Variants in ADAMTSL3 observed in about 807,000 individuals in gnomAD.
The protein encoded by ADAMTSL3 is ADAMTS like 3, also known as ADAMTS-like protein 3.
In ADAMTSL3, 128 loss-of-function variants were observed where a neutral mutation model predicts 201.7. That is an observed-to-expected ratio of 0.63 (90% confidence interval 0.55 to 0.73). The LOEUF is 0.73. Among genes scored for constraint, ADAMTSL3 ranks in the 30% least tolerant of loss-of-function variants. ADAMTSL3 has a pLI of 0.00. For synonymous variants in ADAMTSL3, 738 were observed against 748.4 expected (o/e 0.99, Z 0.23); for missense variants, 1,990 against 2,119.6 (o/e 0.94, Z 1.20).
intron 3 of ADAMTSL3, among the ~76,000 whole-genome samples, chr15:83,753,871 T>C (rs2062677005): frequency 6.6e-6 from 1 of 152,230 alleles, no homozygotes; most frequent in Admixed American, 6.5e-5. Context: ...TTTGCTCTAA[T>C]GTGATAAACG....
intron 19 of ADAMTSL3, among the ~76,000 whole-genome samples, chr15:83,956,679 GCACACACA>G (rs34711242): frequency 6.7e-6 from 1 of 148,772 alleles, no homozygotes; most frequent in African/African-American, 2.5e-5. Context: ...CACCGCACAG[GCACACACA>G]CACACACACA....
intron 19 of ADAMTSL3, among the ~76,000 whole-genome samples, chr15:83,960,170 A>C (rs1454191607): frequency 6.6e-6 from 1 of 152,222 alleles, no homozygotes; most frequent in Non-Finnish European, 1.5e-5. Flanking sequence ...AATAATAATT[A>C]GGGCTTTCTG....
At chr15:83,850,896 G>A (rs2064598269) in intron 7 of ADAMTSL3, among the ~76,000 whole-genome samples, 1 of 152,138 alleles carries the variant, frequency 6.6e-6, no homozygotes, top group Non-Finnish European at 1.5e-5. Flanking sequence ...TGTGACTGTG[G>A]ACCAGTCCTC....
At chr15:83,961,443 T>G (rs2066967165) in intron 19 of ADAMTSL3, 1 of 152,144 alleles carries the variant, frequency 6.6e-6, no homozygotes, top group Non-Finnish European at 1.5e-5. Context: ...AATAAAAGCT[T>G]TTATCTGCAA....
chr15:83,983,610 C>A (rs2067428244), intron 21 of ADAMTSL3, among the ~76,000 whole-genome samples: 1 of 152,300 alleles, frequency 6.6e-6, no homozygotes, highest in Non-Finnish European at 1.5e-5. Flanking sequence ...ATACACTCCC[C>A]CTTTACTCAG....
intron 4 of ADAMTSL3, among the ~76,000 whole-genome samples, chr15:83,776,565 A>G (rs2063077830): frequency 6.6e-6 from 1 of 152,150 alleles, no homozygotes; most frequent in African/African-American, 2.4e-5. Context: ...TAAAAATACA[A>G]AATTAGCTGG....
At chr15:83,903,917 C>CAAAAAAAAAAAAAAAAAAAAAAA (rs1168502648) in intron 15 of ADAMTSL3, among the ~76,000 whole-genome samples, 18 of 19,270 alleles carry the variant, frequency 9.3e-4, no homozygotes, top group South Asian at 2.8e-3. Context: ...GACTCCACAT[C>CAAAAAAAAAAAAAAAAAAAAAAA]AAAAAAAAAA....
intron 7 of ADAMTSL3, among the ~76,000 whole-genome samples, chr15:83,845,938 C>T (rs916628658): frequency 6.6e-6 from 1 of 152,166 alleles, no homozygotes; most frequent in African/African-American, 2.4e-5. Flanking sequence ...CCTCATGCAC[C>T]TGGCCCAGTA....
intron 27 of ADAMTSL3, among the ~76,000 whole-genome samples, chr15:84,026,580 G>C (rs2068312034): frequency 6.6e-6 from 1 of 152,140 alleles, no homozygotes; most frequent in Admixed American, 6.5e-5. Flanking sequence ...AGATAGTATG[G>C]TACTGACATA....
intron 17 of ADAMTSL3, among the ~76,000 whole-genome samples, chr15:83,938,753 A>G (rs928058821): frequency 2.0e-5 from 3 of 152,060 alleles, no homozygotes; most frequent in Non-Finnish European, 1.5e-5. Flanking sequence ...TCTGTTTCAT[A>G]ACTTTCTTAG....
chr15:83,822,233 C>T (rs1263979460), intron 6 of ADAMTSL3, among the ~76,000 whole-genome samples: 11 of 145,700 alleles, frequency 7.5e-5, no homozygotes, highest in Admixed American at 7.5e-4. Context: ...TCCTCACTTC[C>T]CAGACGGGGT....
At position 83,875,048 on chromosome 15, in the gene ADAMTSL3, C is replaced by G. The variant is rs1437162801; in HGVS notation, c.960+4089C>G. Among the ~76,000 whole-genome samples, 3 of 109,756 alleles carry G rather than the reference C, an allele frequency of 2.7e-5. 1 individual carries two copies. Among genetic ancestry groups the G allele is most frequent in the African/African-American group, 1.2e-4 (3 of 25,146 alleles). 72.0% of individuals were successfully genotyped at this position (109,756 alleles called of 152,430 possible). A position where few individuals can be genotyped will look rare whatever the true frequency, so the allele number is the denominator to read the frequency against. ...CATCCACCACTGTGTTCATCTGGGT[C>G]CTCTAAGAATCAAATGCCAAGGCAG... is the stretch of plus-strand genomic sequence containing the variant. On this transcript the variant is annotated intron_variant, in intron 9 of 29. Transcript: ENST00000286744.
intron 2 of ADAMTSL3, among the ~76,000 whole-genome samples, chr15:83,684,372 A>T (rs1428809474): frequency 6.6e-6 from 1 of 152,202 alleles, no homozygotes. Context: ...TACTTTTGCT[A>T]CATATTTCTA....
intron 27 of ADAMTSL3, among the ~76,000 whole-genome samples, chr15:84,029,343 G>A (rs572579086): frequency 9.2e-5 from 14 of 152,282 alleles, no homozygotes; most frequent in Middle Eastern, 3.4e-3. Flanking sequence ...GGAACTTCTT[G>A]GGAACTAGAG....
intron 8 of ADAMTSL3, among the ~76,000 whole-genome samples, chr15:83,867,268 G>A (rs2064997938): frequency 6.6e-6 from 1 of 152,154 alleles, no homozygotes; most frequent in African/African-American, 2.4e-5. Context: ...TTTAATTACA[G>A]AATATCCATC....
intron 23 of ADAMTSL3, among the ~76,000 whole-genome samples, chr15:83,999,732 T>C (rs1596519544): frequency 6.6e-6 from 1 of 152,182 alleles, no homozygotes; most frequent in African/African-American, 2.4e-5. Context: ...GGATGGTCAG[T>C]TTCAGAAGAA....
chr15:83,756,055 C>T (rs1227094772), intron 3 of ADAMTSL3, among the ~76,000 whole-genome samples: 6 of 152,192 alleles, frequency 3.9e-5, no homozygotes, highest in African/African-American at 1.4e-4. Flanking sequence ...GCCACTGCAT[C>T]TGGCCCCCTG....
chr15:83,676,404 C>T (rs977812200), intron 2 of ADAMTSL3, among the ~76,000 whole-genome samples: 1 of 152,120 alleles, frequency 6.6e-6, no homozygotes, highest in African/African-American at 2.4e-5. Flanking sequence ...TTTGGCCAGG[C>T]GTGGTGGCTG....
intron 19 of ADAMTSL3, among the ~76,000 whole-genome samples, chr15:83,951,534 G>A (rs1596459401): frequency 6.6e-6 from 1 of 152,280 alleles, no homozygotes; most frequent in East Asian, 1.9e-4. Context: ...CTGATAGAAT[G>A]AGTTTGGAAG....
Sources: allele counts gnomAD v4.1 joint callset (sites outside exome capture counted in the v4.1 genomes callset), GRCh38; gene constraint gnomAD v4.1.1; transcripts MANE v1.5; gene names NCBI Gene and HGNC (gene_info 2026-07-23, HGNC 2026-07-21).